Variants in RAB36 observed in about 807,000 individuals in gnomAD.
RAB36 encodes ras-related protein Rab-36.
In RAB36, 33 loss-of-function variants were observed where a neutral mutation model predicts 39.3. That is an observed-to-expected ratio of 0.84 (90% CI 0.64 to 1.12). The LOEUF is 1.12. Among genes scored for constraint, RAB36 ranks in the 50% most tolerant of loss-of-function variants. RAB36 has a pLI of 0.00. For synonymous variants in RAB36, 133 were observed against 140.2 expected, an observed-to-expected ratio of 0.95 and a Z score of 0.36; for missense variants, 308 against 355.3, an observed-to-expected ratio of 0.87 and a Z score of 1.07.
At chr22:23,148,293 G>C (rs548488281) in intron 2 of RAB36, among the ~76,000 whole-genome samples, 3 of 152,332 alleles carry the variant, frequency 2.0e-5, no homozygotes, top group African/African-American at 7.2e-5. Context: ...TCTCTGCAGA[G>C]CTTGACAGTG....
chr22:23,157,746 G>A (rs529547302), intron 6 of RAB36, among the ~76,000 whole-genome samples: 2 of 152,306 alleles, frequency 1.3e-5, no homozygotes, highest in Admixed American at 6.5e-5. Flanking sequence ...CTCGCTCCAC[G>A]CCTACCTTGT....
rs903617474 is a variant in RAB36, at chr22:23,161,996, A to T, written c.*432A>T. 2 of 174,066 alleles carry T rather than the reference A, an allele frequency of 1.1e-5. No homozygotes were observed. Among genetic ancestry groups the T allele is most frequent in the Non-Finnish European group, 1.2e-5 (1 of 81,544 alleles). 10.8% of individuals were successfully genotyped at this position (174,066 alleles called of 1,614,324 possible). On this transcript the variant is annotated 3_prime_UTR_variant, in exon 11 of 11. Coordinates refer to ENST00000263116, the MANE Select transcript of RAB36 (RefSeq NM_004914.5). ...TGGATGTGTCCCCAGGATCCGTCAC[A>T]GTGTTCCAGGCAACCTGGACTTGTC...
downstream of RAB36, among the ~76,000 whole-genome samples, chr22:23,169,171 C>T (rs1219493910): frequency 3.9e-5 from 6 of 152,244 alleles, no homozygotes; most frequent in East Asian, 1.2e-3. Flanking sequence ...CACTCGGAAC[C>T]TGGGACCAGC....
intron 10 of RAB36, 29 bp from the exon 11 acceptor site, chr22:23,161,471 A>ATGCTAAATTACTTCTCCCC: frequency 6.4e-7 from 1 of 1,573,458 alleles, no homozygotes; most frequent in Non-Finnish European, 8.7e-7. Flanking sequence ...TTCCTGGTTG[A>ATGCTAAATTACTTCTCCCC]TGCTAAATTA....
rs1486240777 is a variant in RAB36 at position 23,162,768 on chromosome 22, A to T, written c.*1204A>T. On this transcript the variant is annotated 3_prime_UTR_variant, in exon 11 of 11. Transcript: ENST00000263116. ...CCTTGCAGGCAGCCTTCTGATCAGT[A>T]CTGCTCTCCTAGGGCCTGGCACACT... 6.6e-6 allele frequency: 3 copies of T among 456,208 alleles called. No individual in the cohort carries two copies. Among genetic ancestry groups the T allele is most frequent in the Non-Finnish European group, 1.3e-5 (3 of 226,954 alleles). The allele number at this position is 456,208 out of a possible 1,614,324, so 28.3% of individuals were successfully genotyped here. A position where few individuals can be genotyped will look rare whatever the true frequency, so the allele number is the denominator to read the frequency against.
Position 23,160,806 on chromosome 22 carries a change from G to T in RAB36, c.620-73G>T, listed in dbSNP as rs552304432. 73 of 1,559,616 alleles carry T rather than the reference G, an allele frequency of 4.7e-5. 1 individual carries two copies. The South Asian group carries it at 8.5e-4, about 18-fold the overall frequency. ...GCCAACCTGAGGGTAGGCTAGCCTG[G>T]CTTTCACACCCAGATGCATTAAGGG... On this transcript the variant is annotated intron_variant, in intron 9 of 10. Transcript: ENST00000263116.
chr22:23,153,145 G>A lies in RAB36; in HGVS notation c.329+11G>A. 2 of 1,608,982 alleles carry A rather than the reference G, an allele frequency of 1.2e-6. No homozygotes were observed. Among genetic ancestry groups the A allele is most frequent in the Non-Finnish European group, 1.7e-6 (2 of 1,175,408 alleles). On this transcript the variant is annotated intron_variant, in intron 5 of 10. Transcript: ENST00000263116. ...CTATAGCCTCCAGATGTAAGTTGCTGGTTCCCCCATGGCTCGTGGGCAGCT... is the reference window on the plus strand; with the variant it reads ...CTATAGCCTCCAGATGTAAGTTGCTAGTTCCCCCATGGCTCGTGGGCAGCT...
At chr22:23,146,831 T>C (rs2146481653) in intron 2 of RAB36, 146 bp downstream of exon 2, 1 of 1,410,184 alleles carries the variant, frequency 7.1e-7, no homozygotes, top group Non-Finnish European at 9.3e-7. Context: ...GGGAGACTGG[T>C]CACTGACTGC....
At position 23,153,041 on chromosome 22, in the gene RAB36, A is replaced by G. The variant is rs368226898; in HGVS notation, c.236A>G (p.Lys79Arg). ...TTCCTCATCCCCCACAGGTTTTGCAAGAATGTTTTTGATCGAGACTACAAG... is the reference window on the plus strand; with the variant it reads ...TTCCTCATCCCCCACAGGTTTTGCAGGAATGTTTTTGATCGAGACTACAAG... ...GKTSLIHRFC[K>R]NVFDRDYKAT... The change falls in exon 5 of 11, where the codon AAG becomes AGG. Residue 79 changes from lysine to arginine, a missense_variant. Physicochemically the swap from Lys to Arg is conservative, Grantham distance 26. Transcript: ENST00000263116. The G allele has an allele frequency of 2.9e-5, 47 of 1,613,862 alleles. No individual in the cohort carries two copies. The Middle Eastern group carries it at 9.9e-4, about 34-fold the overall frequency.
chr22:23,151,137 G>C (rs935926137), intron 3 of RAB36, among the ~76,000 whole-genome samples: 4 of 152,374 alleles, frequency 2.6e-5, no homozygotes, highest in Admixed American at 6.5e-5. Context: ...AGCGCAGCTA[G>C]AGGTTCCCAA....
chr22:23,156,290 A>C, intron 6 of RAB36: 1 of 408,740 alleles, frequency 2.4e-6, no homozygotes, highest in Non-Finnish European at 4.6e-6. Flanking sequence ...GTTTCAGCTC[A>C]TAAAGATGCT....
In RAB36 at chr22:23,161,019, G is replaced by T. The variant is rs371403565; in HGVS notation, c.739+21G>T. 5.4e-5 allele frequency: 86 copies of T among 1,581,824 alleles called. No homozygotes were observed. In the South Asian group the frequency reaches 7.9e-4, roughly 15 times the overall value. ...AATCCGTGAGTATAGGTGTGACTGG[G>T]TTGGGCTGGGGAGTAGGCTGGAGGC... On this transcript the variant is annotated intron_variant, in intron 10 of 10. Transcript: ENST00000263116.
intron 6 of RAB36, 58 bp downstream of exon 6, chr22:23,156,090 C>A: frequency 6.7e-7 from 1 of 1,488,842 alleles, no homozygotes; most frequent in Non-Finnish European, 9.2e-7. Context: ...CCCTGCCGGG[C>A]TCCACAGTGG....
intron 5 of RAB36, chr22:23,153,710 T>TTG: frequency 1.1e-6 from 1 of 915,422 alleles, no homozygotes; most frequent in African/African-American, 1.9e-5. Context: ...TTTTTTTTTT[T>TTG]TTTTGAGACA....
intron 7 of RAB36, 132 bp downstream of exon 7, chr22:23,158,175 G>A (rs1224381307): frequency 6.6e-7 from 1 of 1,509,130 alleles, no homozygotes; most frequent in Admixed American, 2.3e-5. Flanking sequence ...GTCAGAACCA[G>A]CTGCCCACGG....
At chr22:23,146,027 T>C in intron 1 of RAB36, 1 of 984,768 alleles carries the variant, frequency 1.0e-6, no homozygotes, top group Non-Finnish European at 1.2e-6. Context: ...CACAGCCCAG[T>C]AAGGTAAGCT....
At chr22:23,150,304 C>CTTT (rs1209181462) in intron 3 of RAB36, 150 bp downstream of exon 3, 22 of 444,654 alleles carry the variant, frequency 4.9e-5, no homozygotes, top group Middle Eastern at 6.4e-4. Context: ...TTTTTTTTTT[C>CTTT]TTTTTTTTTT....
chr22:23,155,809 G>A (rs576565824), intron 5 of RAB36, among the ~76,000 whole-genome samples, 159 bp from the exon 6 acceptor site: 170 of 152,352 alleles, frequency 1.1e-3, no homozygotes, highest in Middle Eastern at 3.4e-3. Flanking sequence ...AAGGAGCTGG[G>A]GGTAGGGACA....
chr22:23,165,391 G>C lies in RAB36; in HGVS notation c.*3827G>C, dbSNP rs1205457037. On this transcript the variant is annotated 3_prime_UTR_variant, in exon 11 of 11. Transcript: ENST00000263116. ...GCAAACCCCAGTCCTGTCTGACCCA[G>C]AGACCCTCACAGGGCATCAGCCAGT... 6.6e-6 allele frequency among the ~76,000 whole-genome samples: 1 copy of C among 152,188 alleles called. No homozygotes were observed. The highest frequency in any genetic ancestry group is 1.9e-4 in the East Asian group (1 of 5,192).
Sources: allele counts gnomAD v4.1 joint callset (sites outside exome capture counted in the v4.1 genomes callset), GRCh38; gene constraint gnomAD v4.1.1; transcripts MANE v1.5; gene names NCBI Gene and HGNC (gene_info 2026-07-23, HGNC 2026-07-21).